Variants in CCDC93 observed in about 807,000 individuals in gnomAD.
CCDC93 encodes the protein CCC complex scaffolding subunit CCDC93.
Under a neutral mutation model 108.2 loss-of-function variants are expected in CCDC93, and 61 were observed. The observed-to-expected ratio is 0.56, with a 90% CI of 0.46 to 0.70. The LOEUF is 0.70. Ranked by LOEUF, CCDC93 falls within the 30% of genes least tolerant of loss-of-function variation. The pLI, the probability that CCDC93 is intolerant of heterozygous loss-of-function variation, is 0.00. For missense variants in CCDC93, 685 were observed against 764.2 expected, an observed-to-expected ratio of 0.90 and a Z score of 1.22; for synonymous variants, 276 against 260.4, an observed-to-expected ratio of 1.06 and a Z score of -0.58.
chr2:117,926,623 A>C (rs1678113550), intron 23 of CCDC93, among the ~76,000 whole-genome samples: 1 of 152,232 alleles, frequency 6.6e-6, no homozygotes, highest in South Asian at 2.1e-4. Flanking sequence ...TGAGGCAATA[A>C]TTAATAGCTT....
rs760173703 is a variant in CCDC93 at position 117,975,232 on chromosome 2, T to C, written c.706A>G (p.Lys236Glu). ...TCATCTTCCTCGTGGGCATCAGCTT[T>C]TTCTGTAGCTGACAGCCCTGCTGGA... ...ALPAGLSATE[K>E]ADAHEEDELR... Residue 236 changes from lysine to glutamate, a missense_variant, in exon 9 of 24, where the codon AAA (lysine) becomes GAA (glutamate). Transcript: ENST00000376300. 1 of 1,613,814 alleles carries C rather than the reference T, an allele frequency of 6.2e-7. No individual in the cohort carries two copies. Among genetic ancestry groups the C allele is most frequent in the Non-Finnish European group, 8.5e-7 (1 of 1,179,996 alleles).
chr2:117,924,419 C>T (rs1678002489), intron 23 of CCDC93, among the ~76,000 whole-genome samples: 1 of 152,112 alleles, frequency 6.6e-6, no homozygotes, highest in Non-Finnish European at 1.5e-5. Context: ...ATAACCAATG[C>T]AGAGAAGTCC....
At chr2:118,011,185 A>G (rs1348545173) in intron 1 of CCDC93, among the ~76,000 whole-genome samples, 1 of 128,864 alleles carries the variant, frequency 7.8e-6, no homozygotes, top group African/African-American at 2.9e-5. Context: ...AAAATGTTTC[A>G]GTGATCACAT....
rs374409378 is a variant in CCDC93 at position 117,975,233 on chromosome 2, T to C, written c.705A>G (p.Glu235=). The change falls in exon 9 of 24, where the codon GAA becomes GAG. Residue 235 remains glutamate, a synonymous_variant. Coordinates refer to ENST00000376300, the MANE Select transcript of CCDC93 (RefSeq NM_019044.5). ...TALPAGLSAT[E]KADAHEEDEL... is the part of the protein sequence containing the mutation. Reference sequence around the variant, plus strand: ...CATCTTCCTCGTGGGCATCAGCTTTTTCTGTAGCTGACAGCCCTGCTGGAA... The same window carrying C: ...CATCTTCCTCGTGGGCATCAGCTTTCTCTGTAGCTGACAGCCCTGCTGGAA... 1.4e-5 allele frequency: 22 copies of C among 1,613,804 alleles called. No individual in the cohort carries two copies. The African/African-American group carries it at 1.9e-4, about 14-fold the overall frequency.
chr2:117,925,584 T>G (rs1678055137), intron 23 of CCDC93, among the ~76,000 whole-genome samples: 2 of 152,302 alleles, frequency 1.3e-5, no homozygotes, highest in Non-Finnish European at 1.5e-5. Context: ...ATCCTGAATA[T>G]ATATGCACCC....
chr2:117,995,748 C>T (rs546076200), intron 5 of CCDC93: 102 of 381,412 alleles, frequency 2.7e-4, no homozygotes, highest in African/African-American at 5.9e-4. Context: ...GTGCTTAAGA[C>T]GAGAGTTCTC....
chr2:117,926,959 T>A (rs936306905), intron 23 of CCDC93, among the ~76,000 whole-genome samples: 4 of 152,152 alleles, frequency 2.6e-5, no homozygotes, highest in African/African-American at 9.7e-5. Flanking sequence ...GCAAGGCTGG[T>A]ACAACATATG....
chr2:117,940,925 T>G (rs1678681491), intron 19 of CCDC93, among the ~76,000 whole-genome samples: 1 of 152,188 alleles, frequency 6.6e-6, no homozygotes, highest in Non-Finnish European at 1.5e-5. Flanking sequence ...AGGGGAAGGC[T>G]GTGTGGCTGA....
At chr2:117,951,826 T>C in intron 13 of CCDC93, 1 of 298,792 alleles carries the variant, frequency 3.3e-6, no homozygotes, top group Non-Finnish European at 5.2e-6. Context: ...GTAGCACACT[T>C]GCAACCTGGA....
intron 8 of CCDC93, among the ~76,000 whole-genome samples, chr2:117,975,910 C>G (rs920683973): frequency 1.9e-4 from 29 of 152,190 alleles, no homozygotes; most frequent in African/African-American, 6.0e-4. Context: ...CAGCCCCAGG[C>G]TCTAAATGAA....
At chr2:117,960,236 A>G (rs1679343841) in intron 11 of CCDC93, among the ~76,000 whole-genome samples, 1 of 152,200 alleles carries the variant, frequency 6.6e-6, no homozygotes, top group Admixed American at 6.5e-5. Flanking sequence ...TGATACCTGA[A>G]ACAGAACTAA....
chr2:117,972,562 T>A (rs989141955), intron 11 of CCDC93, among the ~76,000 whole-genome samples: 1 of 151,880 alleles, frequency 6.6e-6, no homozygotes, highest in African/African-American at 2.4e-5. Context: ...TCAGAGCTCC[T>A]ACGTGCTCCC....
intron 23 of CCDC93, among the ~76,000 whole-genome samples, chr2:117,923,887 G>A (rs1677980972): frequency 6.6e-6 from 1 of 152,180 alleles, no homozygotes. Context: ...CCCAGTAGGG[G>A]CACATTGACA....
chr2:117,992,055 T>C (rs1262176420), intron 6 of CCDC93, among the ~76,000 whole-genome samples: 1 of 152,032 alleles, frequency 6.6e-6, no homozygotes, highest in Non-Finnish European at 1.5e-5. Flanking sequence ...CTCCTGGAAG[T>C]GAGGGGTGTT....
chr2:117,984,110 T>C (rs574803040), intron 7 of CCDC93, among the ~76,000 whole-genome samples: 1 of 152,176 alleles, frequency 6.6e-6, no homozygotes, highest in East Asian at 1.9e-4. Context: ...ATGAGCTAAA[T>C]ATACTATCAG....
chr2:117,929,028 C>G (rs1387237137), intron 23 of CCDC93, among the ~76,000 whole-genome samples: 1 of 150,132 alleles, frequency 6.7e-6, no homozygotes, highest in Non-Finnish European at 1.5e-5. Context: ...CTAAACACCA[C>G]ATGTTTTCAC....
At chr2:117,993,026 T>C (rs1329698740) in intron 6 of CCDC93, among the ~76,000 whole-genome samples, 2 of 152,124 alleles carry the variant, frequency 1.3e-5, no homozygotes, top group Non-Finnish European at 2.9e-5. Context: ...GGCCGAAAAC[T>C]GTACCATTTT....
intron 7 of CCDC93, among the ~76,000 whole-genome samples, chr2:117,981,421 GT>G (rs1680111213): frequency 1.3e-5 from 2 of 152,276 alleles, no homozygotes; most frequent in South Asian, 4.1e-4. Context: ...AGCCCTGCCC[GT>G]TTCCCCCAAG....
intron 13 of CCDC93, chr2:117,951,727 T>C: frequency 1.0e-6 from 1 of 991,542 alleles, no homozygotes. Flanking sequence ...AACAGAAATA[T>C]CTACACACTG....
Sources: gnomAD v4.1 joint callset for allele counts (sites outside exome capture counted in the v4.1 genomes callset) on GRCh38, gnomAD v4.1.1 for gene constraint, MANE v1.5 for transcripts, NCBI Gene and HGNC (gene_info 2026-07-23, HGNC 2026-07-21) for gene names.